The following KIAA0513 variants were observed in gnomAD, a reference collection of about 807,000 sequenced individuals.
KIAA0513 encodes the protein KIAA0513, also known as uncharacterized protein KIAA0513.
KIAA0513 carries 39 observed loss-of-function variants against 56.5 expected under a neutral mutation model. That is an observed-to-expected ratio of 0.69 (90% CI 0.53 to 0.90). KIAA0513 has a LOEUF of 0.90. Ranked by LOEUF, KIAA0513 falls within the 40% of genes least tolerant of loss-of-function variation. The probability of loss-of-function intolerance (pLI) is 0.00; values close to 1 mark genes in which losing one functional copy is unlikely to be tolerated. For missense variants in KIAA0513, 591 were observed against 535.2 expected (o/e 1.10, Z -1.03); for synonymous variants, 268 against 215.6 (o/e 1.24, Z -2.13).
chr16:85,073,948 G>GT (rs3030092), intron 4 of KIAA0513, among the ~76,000 whole-genome samples: 6,150 of 151,426 alleles, frequency 0.041, 137 homozygotes, highest in Non-Finnish European at 0.054. Context: ...CTCTTGTGTC[G>GT]TTTTTTTTGT....
Position 85,067,153 on chromosome 16 carries a change from C to G in KIAA0513, c.82C>G (p.Pro28Ala). The stretch of plus-strand genomic sequence containing the variant: ...CACCTCTTCTCCCCTGGAGGCACCA[C>G]CCCCTGTGCTGCAGGACGGCGATGG... ...APTSSPLEAP[P>A]PVLQDGDGSL... Residue 28 changes from proline to alanine, a missense_variant, in exon 2 of 13, where the codon CCC becomes GCC. Pro to Ala is a conservative substitution (Grantham distance 27). Coordinates refer to ENST00000683363, the MANE Select transcript of KIAA0513 (RefSeq NM_001388359.1). 6.2e-7 allele frequency: 1 copy of G among 1,614,094 alleles called. No individual in the cohort carries two copies. Among genetic ancestry groups the G allele is most frequent in the Non-Finnish European group, 8.5e-7 (1 of 1,179,986 alleles).
chr16:85,062,538 G>C (rs2073421165), intron 1 of KIAA0513, among the ~76,000 whole-genome samples: 1 of 152,202 alleles, frequency 6.6e-6, no homozygotes, highest in African/African-American at 2.4e-5. Flanking sequence ...CGGTTTCTCA[G>C]AGTCTGGGGA....
intron 1 of KIAA0513, among the ~76,000 whole-genome samples, chr16:85,030,733 G>A (rs2072953003): frequency 1.4e-5 from 2 of 143,486 alleles, no homozygotes; most frequent in Non-Finnish European, 3.0e-5. Flanking sequence ...GACAGAGAAA[G>A]ACTCCATCTA....
intron 1 of KIAA0513, among the ~76,000 whole-genome samples, chr16:85,040,134 A>G (rs939878659): frequency 2.0e-5 from 3 of 151,800 alleles, no homozygotes; most frequent in Non-Finnish European, 4.4e-5. Context: ...GTGCCCGGCC[A>G]GAGAAGGGTT....
intron 6 of KIAA0513, among the ~76,000 whole-genome samples, 187 bp from the exon 7 acceptor site, chr16:85,078,228 A>G (rs532291715): frequency 6.6e-6 from 1 of 152,182 alleles, no homozygotes; most frequent in African/African-American, 2.4e-5. Flanking sequence ...AGAAACCTCA[A>G]TGCCACATTT....
At chr16:85,084,512 C>G (rs1480688934) in intron 10 of KIAA0513, among the ~76,000 whole-genome samples, 1 of 150,908 alleles carries the variant, frequency 6.6e-6, no homozygotes, top group Non-Finnish European at 1.5e-5. Flanking sequence ...TCACTGCAAC[C>G]TCTGCCTCCC....
Position 85,092,886 on chromosome 16 carries a change from G to A in KIAA0513, c.*4561G>A, listed in dbSNP as rs2073884083. 6.6e-6 allele frequency: 1 copy of A among 152,238 alleles called. No homozygotes were observed. The highest frequency in any genetic ancestry group is 2.4e-5 in the African/African-American group (1 of 41,454). The allele number at this position is 152,238 out of a possible 1,614,324, so 9.4% of individuals were successfully genotyped here. A position where few individuals can be genotyped will look rare whatever the true frequency, so the allele number is the denominator to read the frequency against. On this transcript the variant is annotated 3_prime_UTR_variant, in exon 13 of 13. Coordinates refer to ENST00000683363, the MANE Select transcript of KIAA0513 (RefSeq NM_001388359.1). ...CAGGAACAGGAATGTGTTGGTGCCT[G>A]AGACACCAAATGGAAGAAGCACATC...
chr16:85,073,432 C>T (rs533893772), intron 4 of KIAA0513, among the ~76,000 whole-genome samples: 18 of 152,342 alleles, frequency 1.2e-4, no homozygotes, highest in South Asian at 8.3e-4. Context: ...ACTGATTAGG[C>T]ACTGCTGGGG....
chr16:85,065,387 G>A (rs1306669590), intron 1 of KIAA0513, among the ~76,000 whole-genome samples: 1 of 152,206 alleles, frequency 6.6e-6, no homozygotes, highest in African/African-American at 2.4e-5. Context: ...AGAGTCCTTG[G>A]TGCTGTCCTG....
At chr16:85,048,072 C>T (rs904989758) in intron 1 of KIAA0513, among the ~76,000 whole-genome samples, 2 of 152,068 alleles carry the variant, frequency 1.3e-5, no homozygotes, top group Non-Finnish European at 1.5e-5. Flanking sequence ...TAAACAGAAA[C>T]GTCTGGGATT....
At position 85,079,098 on chromosome 16, in the gene KIAA0513, A is replaced by C. The variant is rs530074652; in HGVS notation, c.902+95A>C. 5.6e-6 allele frequency: 9 copies of C among 1,593,584 alleles called. No homozygotes were observed. The South Asian group carries it at 8.9e-5, about 16-fold the overall frequency. On this transcript the variant is annotated intron_variant, in intron 8 of 12. Coordinates refer to ENST00000683363, the MANE Select transcript of KIAA0513 (RefSeq NM_001388359.1). ...TTCTAGCTGCCTTTGTCCCCATCAGAATGGCAGAATTCTCACACTCACCAG... is the reference window on the plus strand; with the variant it reads ...TTCTAGCTGCCTTTGTCCCCATCAGCATGGCAGAATTCTCACACTCACCAG...
At chr16:85,043,069 T>G (rs180693089) in intron 1 of KIAA0513, among the ~76,000 whole-genome samples, 11 of 152,348 alleles carry the variant, frequency 7.2e-5, no homozygotes, top group Non-Finnish European at 1.6e-4. Context: ...TTACATTTGC[T>G]AATATGTCAT....
rs2073872458 is a variant in KIAA0513 at position 85,091,940 on chromosome 16, T to C, written c.*3615T>C. On this transcript the variant is annotated 3_prime_UTR_variant, in exon 13 of 13. Coordinates refer to ENST00000683363, the MANE Select transcript of KIAA0513 (RefSeq NM_001388359.1). ...CCTGGGTCCCACTATCTGTTGGCAT[T>C]TTTTTTTTTTTTTTTTTTTTAGACG... 1 of 39,302 alleles carries C rather than the reference T, an allele frequency of 2.5e-5. No homozygotes were observed. Among genetic ancestry groups the C allele is most frequent in the African/African-American group, 3.5e-4 (1 of 2,860 alleles). 2.4% of individuals were successfully genotyped at this position (39,302 alleles called of 1,614,324 possible).
intron 1 of KIAA0513, among the ~76,000 whole-genome samples, chr16:85,062,112 C>T (rs74031414): frequency 0.032 from 4,839 of 152,214 alleles, 144 homozygotes; most frequent in African/African-American, 0.072. Context: ...CCATCACCTT[C>T]AGATCGTCTC....
At position 85,081,579 on chromosome 16, in the gene KIAA0513, C is replaced by T. The variant is rs562455681; in HGVS notation, c.980+187C>T. Among the ~76,000 whole-genome samples, 2 of 152,264 alleles carry T rather than the reference C, an allele frequency of 1.3e-5. No homozygotes were observed. Among genetic ancestry groups the T allele is most frequent in the Admixed American group, 6.5e-5 (1 of 15,294 alleles). Reference sequence around the variant, plus strand: ...TCACAGCTTCATGGGTGGGGGTGCTCAGCTTGCATGAGCGCTTTCTGTCCT... The same window carrying T: ...TCACAGCTTCATGGGTGGGGGTGCTTAGCTTGCATGAGCGCTTTCTGTCCT... On this transcript the variant is annotated intron_variant, in intron 9 of 12. Transcript: ENST00000683363. This position sits in a 1 kb window ranked among gnomAD's most constrained non-coding sequence, Gnocchi z 4.4.
At chr16:85,062,448 A>G (rs1597618581) in intron 1 of KIAA0513, among the ~76,000 whole-genome samples, 1 of 152,172 alleles carries the variant, frequency 6.6e-6, no homozygotes, top group Non-Finnish European at 1.5e-5. Flanking sequence ...GTGTAACCGC[A>G]GGGGGGTTGC....
In KIAA0513 at chr16:85,067,097, G is replaced by A. The variant is rs978633951; in HGVS notation, c.26G>A (p.Gly9Asp). The A allele has an allele frequency of 1.3e-6, 2 of 1,597,928 alleles. No individual in the cohort carries two copies. The highest frequency in any genetic ancestry group is 1.7e-5 in the Admixed American group (1 of 59,242). METPEVPV[G>D]SLIDFGPEAP... ...ATGGAGACCCCAGAGGTCCCCGTGG[G>A]CTCGCTAATCGACTTTGGGCCTGAG... Residue 9 changes from glycine (G) to aspartate (D), a missense_variant, in exon 2 of 13, where the codon GGC (glycine) becomes GAC (aspartate). Gly to Asp is a moderately conservative substitution (Grantham distance 94, BLOSUM62 -1). Transcript: ENST00000683363.
chr16:85,057,026 C>T (rs1040431160), intron 1 of KIAA0513, among the ~76,000 whole-genome samples: 1 of 152,202 alleles, frequency 6.6e-6, no homozygotes, highest in Non-Finnish European at 1.5e-5. Context: ...CTTATTTTTC[C>T]TACTGGGTGT....
chr16:85,052,964 C>T (rs1171518095), intron 1 of KIAA0513, among the ~76,000 whole-genome samples: 3 of 152,132 alleles, frequency 2.0e-5, no homozygotes, highest in Admixed American at 1.3e-4. Flanking sequence ...GATCTCGGCT[C>T]ACTGCAACCT....
Sources: gnomAD v4.1 joint callset for allele counts (sites outside exome capture counted in the v4.1 genomes callset) on GRCh38, gnomAD v4.1.1 for gene constraint, Gnocchi (gnomAD v3.1) non-coding constraint, MANE v1.5 for transcripts, NCBI Gene and HGNC (gene_info 2026-07-23, HGNC 2026-07-21) for gene names.